Variants in TSG101 observed in about 807,000 individuals in gnomAD.
The protein encoded by TSG101 is tumor susceptibility gene 101 protein.
In TSG101, 19 loss-of-function variants were observed where a neutral mutation model predicts 48.5. That is an observed-to-expected ratio of 0.39 (90% CI 0.27 to 0.58). The LOEUF is 0.58. Ranked by LOEUF, TSG101 falls within the 20% of genes least tolerant of loss-of-function variation. TSG101 has a pLI of 0.55. For missense variants in TSG101, 365 were observed against 484.4 expected (o/e 0.75, Z 2.31); for synonymous variants, 174 against 169.4 (o/e 1.03, Z -0.21).
chr11:18,490,201 G>A (rs1007908852), intron 7 of TSG101: 24 of 419,380 alleles, frequency 5.7e-5, no homozygotes, highest in African/African-American at 4.7e-4. Flanking sequence ...GGTACAGAGT[G>A]ACATTGAACA....
intron 7 of TSG101, chr11:18,490,751 T>C: frequency 2.1e-6 from 1 of 487,434 alleles, no homozygotes. Flanking sequence ...CTCATTCCTC[T>C]GTTTTCTGCT....
At chr11:18,508,444 A>C (rs902396373) in intron 5 of TSG101, 5 of 151,750 alleles carry the variant, frequency 3.3e-5, no homozygotes, top group African/African-American at 2.4e-5. Context: ...ATCCACCCCC[A>C]CCTCGGCCTC....
At chr11:18,489,461 G>T (rs1430216946) in intron 7 of TSG101, among the ~76,000 whole-genome samples, 1 of 152,124 alleles carries the variant, frequency 6.6e-6, no homozygotes, top group African/African-American at 2.4e-5. Context: ...AAAACACATG[G>T]CTTTTCTTTA....
chr11:18,519,583 A>T lies in TSG101; in HGVS notation c.63T>A (p.Thr21=), dbSNP rs1304569070. The change falls in exon 2 of 10, where the codon ACT becomes ACA. Residue 21 remains threonine (T), a synonymous_variant. Transcript: ENST00000251968. The part of the protein sequence containing the change: ...MVSKYKYRDL[T]VRETVNVITL... ...TAATAACATTGACAGTTTCACGTAC[A>T]GTTAGGTCTCTGTATTTGTACTGAA... 3 of 1,612,556 alleles carry T rather than the reference A, an allele frequency of 1.9e-6. No individual in the cohort carries two copies. The highest frequency in any genetic ancestry group is 2.2e-5 in the East Asian group (1 of 44,766).
chr11:18,498,014 A>G (rs1246970230), intron 7 of TSG101, among the ~76,000 whole-genome samples: 2 of 151,972 alleles, frequency 1.3e-5, no homozygotes, highest in Admixed American at 6.6e-5. Flanking sequence ...GGAACTCAGC[A>G]AATCTCTTCA....
chr11:18,481,633 C>T lies in TSG101; in HGVS notation c.1080G>A (p.Leu360=), dbSNP rs368590616. 3.1e-6 allele frequency: 5 copies of T among 1,610,324 alleles called. No individual in the cohort carries two copies. In the African/African-American group the frequency reaches 6.7e-5, roughly 22 times the overall value. The stretch of plus-strand genomic sequence containing the variant: ...GGAACGTAAAATGAAGAAATACCTT[C>T]AGGAAGACATCCAGGTCTATCACGC... ...RRGVIDLDVF[L]KHVRLLSRKQ... The change falls in exon 9 of 10, where the codon CTG becomes CTA. Residue 360 remains leucine, a synonymous_variant. Transcript: ENST00000251968.
intron 7 of TSG101, among the ~76,000 whole-genome samples, chr11:18,489,339 A>T (rs1164541677): frequency 6.6e-6 from 1 of 151,952 alleles, no homozygotes; most frequent in East Asian, 1.9e-4. Context: ...CGCTCAGGCG[A>T]TCCTCCTGCC....
At chr11:18,526,071 T>G (rs938560540) in intron 1 of TSG101, among the ~76,000 whole-genome samples, 6 of 152,054 alleles carry the variant, frequency 3.9e-5, no homozygotes, top group African/African-American at 1.2e-4. Flanking sequence ...GTGCCACGTT[T>G]GAAGTAATTA....
In TSG101 at chr11:18,480,421, A is replaced by G. The variant is rs1440025788; in HGVS notation, c.*125T>C. On this transcript the variant is annotated 3_prime_UTR_variant, in exon 10 of 10. Coordinates refer to ENST00000251968, the MANE Select transcript of TSG101 (RefSeq NM_006292.4). ...TTTACCAAAAGAAAACAGAAAATAT[A>G]TTATTGATTCAAAATATTTTACACT... The G allele has an allele frequency of 2.8e-6, 2 of 710,316 alleles. No individual in the cohort carries two copies. Among genetic ancestry groups the G allele is most frequent in the African/African-American group, 1.8e-5 (1 of 55,762 alleles). 44.0% of individuals were successfully genotyped at this position (710,316 alleles called of 1,614,324 possible).
intron 7 of TSG101, among the ~76,000 whole-genome samples, chr11:18,499,845 T>C (rs553234931): frequency 6.6e-6 from 1 of 152,346 alleles, no homozygotes; most frequent in African/African-American, 2.4e-5. Context: ...TTATCATTTC[T>C]ATGTGGTAGG....
intron 5 of TSG101, among the ~76,000 whole-genome samples, chr11:18,507,443 G>C (rs56138729): frequency 0.2 from 30,009 of 152,142 alleles, 3,090 homozygotes; most frequent in East Asian, 0.25. Context: ...CTAGGTGACA[G>C]AGTGAGACCC....
At chr11:18,509,459 A>G in intron 5 of TSG101, 83 bp downstream of exon 5, 1 of 1,501,628 alleles carries the variant, frequency 6.7e-7, no homozygotes, top group Non-Finnish European at 8.9e-7. Context: ...CAAAGAAGTC[A>G]TTATTTTTCT....
rs542497583 is a variant in TSG101 at position 18,521,731 on chromosome 11, C to T, written c.43-2128G>A. On this transcript the variant is annotated intron_variant, in intron 1 of 9. Coordinates refer to ENST00000251968, the MANE Select transcript of TSG101 (RefSeq NM_006292.4). Reference sequence around the variant, plus strand: ...TGTGGCTGTCACCCAGGCTGGAGTGCGGTGGTGTGATCTCAGTTCACTGCA... The same window carrying T: ...TGTGGCTGTCACCCAGGCTGGAGTGTGGTGGTGTGATCTCAGTTCACTGCA... Among the ~76,000 whole-genome samples the T allele has an allele frequency of 5.0e-3, 610 of 122,754 alleles. 6 individuals are homozygous for T. The highest frequency in any genetic ancestry group is 0.027 in the Middle Eastern group (4 of 146). 80.5% of individuals were successfully genotyped at this position (122,754 alleles called of 152,430 possible). A position where few individuals can be genotyped will look rare whatever the true frequency, so the allele number is the denominator to read the frequency against.
Position 18,500,154 on chromosome 11 carries a change from G to A in TSG101, c.640+2332C>T, listed in dbSNP as rs543288572. Among the ~76,000 whole-genome samples, 26 of 152,124 alleles carry A rather than the reference G, an allele frequency of 1.7e-4. No homozygotes were observed. In the South Asian group the frequency reaches 4.8e-3, roughly 28 times the overall value. ...ATTCCATCCATGTTGCTACAATGACGTTTTCATTCTTTTTATGGCTGAACA... is the reference window on the plus strand; with the variant it reads ...ATTCCATCCATGTTGCTACAATGACATTTTCATTCTTTTTATGGCTGAACA... On this transcript the variant is annotated intron_variant, in intron 7 of 9. Coordinates refer to ENST00000251968, the MANE Select transcript of TSG101 (RefSeq NM_006292.4).
intron 3 of TSG101, 75 bp from the exon 4 acceptor site, chr11:18,514,916 G>C: frequency 2.2e-6 from 3 of 1,338,052 alleles, no homozygotes; most frequent in Non-Finnish European, 3.0e-6. Flanking sequence ...AGGAACAGAG[G>C]TTTAGTCTAG....
intron 2 of TSG101, among the ~76,000 whole-genome samples, chr11:18,517,174 A>T (rs1290406206): frequency 1.3e-5 from 2 of 148,484 alleles, no homozygotes; most frequent in African/African-American, 4.9e-5. Context: ...GGCGTGCACT[A>T]CCATGCCCAG....
chr11:18,490,851 A>G (rs558124733), intron 7 of TSG101: 72 of 541,712 alleles, frequency 1.3e-4, no homozygotes, highest in African/African-American at 1.3e-3. Context: ...TCGTTGGAGT[A>G]TTCATGCCTC....
chr11:18,484,935 C>CTTTTTTTT (rs529154247), intron 7 of TSG101, among the ~76,000 whole-genome samples: 2 of 108,028 alleles, frequency 1.9e-5, no homozygotes, highest in Non-Finnish European at 3.4e-5. Context: ...TAATTGCCGC[C>CTTTTTTTT]TTTTTTTTTT....
At chr11:18,482,896 C>CA (rs1446826344) in intron 8 of TSG101, among the ~76,000 whole-genome samples, 1 of 152,188 alleles carries the variant, frequency 6.6e-6, no homozygotes. Context: ...ATCAAGCACT[C>CA]AAACAGTCCT....
Sources: allele counts gnomAD v4.1 joint callset (sites outside exome capture counted in the v4.1 genomes callset), GRCh38; gene constraint gnomAD v4.1.1; transcripts MANE v1.5; gene names NCBI Gene and HGNC (gene_info 2026-07-23, HGNC 2026-07-21).